CCDC146: variants seen among roughly 807,000 people sequenced by gnomAD.
The protein encoded by CCDC146 is coiled-coil domain-containing protein 146.
In CCDC146, 92 loss-of-function variants were observed where a neutral mutation model predicts 119.3. The ratio of observed to expected loss-of-function variants is 0.77; its 90% CI spans 0.65 to 0.92. The LOEUF is 0.92. CCDC146 is among the 40% of genes least tolerant of loss of function. CCDC146 has a pLI of 0.00. For missense variants in CCDC146, 1,000 were observed against 1,103.0 expected (o/e 0.91, Z 1.32); for synonymous variants, 372 against 371.8 (o/e 1.00, Z -0.01).
At chr7:77,274,889 G>T (rs1052642962) in intron 11 of CCDC146, among the ~76,000 whole-genome samples, 3 of 152,128 alleles carry the variant, frequency 2.0e-5, no homozygotes, top group Non-Finnish European at 4.4e-5. Context: ...GGGGTGAGGG[G>T]AGCGGGGAGG....
chr7:77,279,839 T>C (rs1025409172), intron 13 of CCDC146, among the ~76,000 whole-genome samples: 13 of 152,082 alleles, frequency 8.5e-5, no homozygotes, highest in Non-Finnish European at 1.3e-4. Context: ...CTTTCACCTA[T>C]GTTAGTAAAC....
intron 2 of CCDC146, chr7:77,198,128 G>A (rs891645816): frequency 4.1e-6 from 4 of 985,250 alleles, no homozygotes; most frequent in Non-Finnish European, 3.6e-6. Flanking sequence ...TCACCTAAGC[G>A]GTGAACCTTG....
chr7:77,131,659 A>T (rs1790787293), intron 1 of CCDC146, among the ~76,000 whole-genome samples: 1 of 152,252 alleles, frequency 6.6e-6, no homozygotes, highest in African/African-American at 2.4e-5. Context: ...TAGAGGTTGC[A>T]GTGAACCAAG....
intron 3 of CCDC146, among the ~76,000 whole-genome samples, chr7:77,237,420 C>T (rs769483379): frequency 2.0e-5 from 3 of 152,178 alleles, no homozygotes; most frequent in African/African-American, 7.2e-5. Context: ...TTCCAGCTTG[C>T]GCTTTGACAA....
chr7:77,217,744 GTAGCCTA>G (rs1792327687), intron 2 of CCDC146, among the ~76,000 whole-genome samples: 1 of 152,096 alleles, frequency 6.6e-6, no homozygotes, highest in Admixed American at 6.5e-5. Context: ...GCTATATGGT[GTAGCCTA>G]TAGCTCCTAG....
chr7:77,183,920 C>T (rs1462150937), intron 2 of CCDC146, among the ~76,000 whole-genome samples: 1 of 152,172 alleles, frequency 6.6e-6, no homozygotes, highest in Non-Finnish European at 1.5e-5. Context: ...AAGTCTCTCG[C>T]TAAAATAATC....
At chr7:77,292,697 T>C (rs1793972241) in intron 17 of CCDC146, among the ~76,000 whole-genome samples, 1 of 151,946 alleles carries the variant, frequency 6.6e-6, no homozygotes, top group African/African-American at 2.4e-5. Flanking sequence ...TTCTCCTCAA[T>C]GTTATTCACC....
intron 1 of CCDC146, among the ~76,000 whole-genome samples, chr7:77,124,540 C>G (rs1254971932): frequency 6.6e-6 from 1 of 152,184 alleles, no homozygotes; most frequent in African/African-American, 2.4e-5. Flanking sequence ...ATTAGAAGGT[C>G]TGGCCCTTTT....
intron 2 of CCDC146, among the ~76,000 whole-genome samples, chr7:77,207,184 A>C (rs1006638466): frequency 6.6e-6 from 1 of 152,188 alleles, no homozygotes; most frequent in African/African-American, 2.4e-5. Flanking sequence ...CTTCTAAGGA[A>C]GTCTTTTAAA....
chr7:77,193,663 G>A (rs1791811095), intron 2 of CCDC146: 1 of 152,072 alleles, frequency 6.6e-6, no homozygotes, highest in African/African-American at 2.4e-5. Context: ...TTCATTTGGA[G>A]CATTACTATT....
At chr7:77,294,480 G>A in intron 18 of CCDC146, among the ~76,000 whole-genome samples, 183 bp from the exon 19 acceptor site, 1 of 150,638 alleles carries the variant, frequency 6.6e-6, no homozygotes, top group South Asian at 2.2e-4. Context: ...GTGTGTGTGT[G>A]TGTGTGTGTG....
chr7:77,255,689 G>A (rs535177474), intron 5 of CCDC146, among the ~76,000 whole-genome samples: 1 of 152,180 alleles, frequency 6.6e-6, no homozygotes, highest in African/African-American at 2.4e-5. Context: ...TAAGAGTAAC[G>A]TGTAGACCTT....
chr7:77,199,814 C>T, intron 2 of CCDC146: 1 of 1,605,366 alleles, frequency 6.2e-7, no homozygotes, highest in Non-Finnish European at 8.5e-7. Context: ...CTGCTCACCC[C>T]AGCAGGGAGT....
intron 5 of CCDC146, among the ~76,000 whole-genome samples, 159 bp downstream of exon 5, chr7:77,254,722 C>T (rs1304212336): frequency 1.3e-5 from 2 of 152,138 alleles, no homozygotes; most frequent in East Asian, 3.8e-4. Flanking sequence ...TACATAACTT[C>T]TGGAGTAAAT....
At chr7:77,219,649 G>C (rs912735794) in intron 2 of CCDC146, among the ~76,000 whole-genome samples, 30 of 152,182 alleles carry the variant, frequency 2.0e-4, no homozygotes, top group Admixed American at 1.8e-3. Context: ...GGGGGAACCA[G>C]CCCCCAGTAT....
At chr7:77,281,517 A>AT (rs887187759) in intron 14 of CCDC146, among the ~76,000 whole-genome samples, 13 of 152,128 alleles carry the variant, frequency 8.5e-5, no homozygotes, top group Non-Finnish European at 1.8e-4. Flanking sequence ...CTGGTATCAG[A>AT]TTTTTTTTAA....
At chr7:77,237,590 C>T (rs148746430) in intron 3 of CCDC146, among the ~76,000 whole-genome samples, 263 of 152,304 alleles carry the variant, frequency 1.7e-3, no homozygotes, top group Middle Eastern at 3.4e-3. Context: ...ACTCTTCTCC[C>T]GTGTCTGTTC....
At chr7:77,160,544 G>T (rs1373069710) in intron 1 of CCDC146, among the ~76,000 whole-genome samples, 1 of 152,154 alleles carries the variant, frequency 6.6e-6, no homozygotes, top group Non-Finnish European at 1.5e-5. Flanking sequence ...GTGAATGGGA[G>T]TTCACTCATG....
intron 2 of CCDC146, among the ~76,000 whole-genome samples, chr7:77,210,659 C>T (rs576917837): frequency 6.6e-6 from 1 of 152,294 alleles, no homozygotes; most frequent in East Asian, 1.9e-4. Context: ...AGTCCATTCT[C>T]ACATTGCTAT....
Sources: gnomAD v4.1 joint callset for allele counts (sites outside exome capture counted in the v4.1 genomes callset) on GRCh38, gnomAD v4.1.1 for gene constraint, MANE v1.5 for transcripts, NCBI Gene and HGNC (gene_info 2026-07-23, HGNC 2026-07-21) for gene names.